Variants in BAIAP2 observed in about 807,000 individuals in gnomAD.
BAIAP2 encodes BAR/IMD domain containing adaptor protein 2, also known as BAR/IMD domain-containing adapter protein 2.
Under a neutral mutation model 63.0 loss-of-function variants are expected in BAIAP2, and 18 were observed. That is an observed-to-expected ratio of 0.29 (90% CI 0.20 to 0.42). The LOEUF is 0.42. Ranked by LOEUF, BAIAP2 falls within the 10% of genes least tolerant of loss-of-function variation. The pLI, the probability that BAIAP2 is intolerant of heterozygous loss-of-function variation, is 1.00. For synonymous variants in BAIAP2, 386 were observed against 307.6 expected (o/e 1.25, Z -2.67); for missense variants, 610 against 734.3 (o/e 0.83, Z 1.96).
At chr17:81,106,510 G>A (rs879162874) in intron 11 of BAIAP2, among the ~76,000 whole-genome samples, 8 of 152,336 alleles carry the variant, frequency 5.3e-5, no homozygotes, top group African/African-American at 1.9e-4. Context: ...GTCAGGGGTT[G>A]CTGTGGCAGC....
At chr17:81,068,091 G>A (rs533153325) in intron 3 of BAIAP2, among the ~76,000 whole-genome samples, 18 of 152,378 alleles carry the variant, frequency 1.2e-4, no homozygotes, top group South Asian at 6.2e-4. Context: ...TGGGTCCCAT[G>A]CACTTTGGGT....
chr17:81,109,334 G>A (rs941544737), intron 13 of BAIAP2: 173 of 1,117,200 alleles, frequency 1.5e-4, no homozygotes, highest in Non-Finnish European at 1.2e-4. Context: ...AAGGCTCGCC[G>A]TGAGCCAGGT....
At chr17:81,082,439 C>G (rs974914754) in intron 3 of BAIAP2, among the ~76,000 whole-genome samples, 4 of 152,306 alleles carry the variant, frequency 2.6e-5, no homozygotes, top group African/African-American at 9.6e-5. Flanking sequence ...AACTGTGTGC[C>G]AGGCAGCCCT....
At chr17:81,060,514 G>A (rs993473976) in intron 3 of BAIAP2, among the ~76,000 whole-genome samples, 9 of 152,102 alleles carry the variant, frequency 5.9e-5, no homozygotes, top group South Asian at 2.1e-4. Context: ...GCTATAGCCC[G>A]TGTCAGGGCT....
chr17:81,089,020 A>AGGGCCCTGACCGCACACC (rs2056236637), intron 6 of BAIAP2, among the ~76,000 whole-genome samples: 1 of 152,170 alleles, frequency 6.6e-6, no homozygotes, highest in Non-Finnish European at 1.5e-5. Flanking sequence ...CCTCTTCAGG[A>AGGGCCCTGACCGCACACC]GGGCCCTGAC....
intron 12 of BAIAP2, 61 bp downstream of exon 12, chr17:81,106,968 A>C (rs1256988918): frequency 6.9e-7 from 1 of 1,453,590 alleles, no homozygotes; most frequent in Non-Finnish European, 9.1e-7. Flanking sequence ...CTCAGCCTGC[A>C]GTCCCCCGTT....
intron 1 of BAIAP2, among the ~76,000 whole-genome samples, chr17:81,047,530 G>A (rs965768550): frequency 3.0e-4 from 45 of 152,282 alleles, no homozygotes; most frequent in African/African-American, 9.9e-4. Context: ...GAGTGCACAT[G>A]CACAGGTAAA....
chr17:81,097,969 T>C, intron 6 of BAIAP2: 1 of 527,184 alleles, frequency 1.9e-6, no homozygotes, highest in Middle Eastern at 5.5e-4. Context: ...GCCCTCCCAC[T>C]GTCGGGCTGG....
intron 1 of BAIAP2, among the ~76,000 whole-genome samples, chr17:81,038,016 T>TA (rs755282817): frequency 3.3e-5 from 5 of 152,248 alleles, no homozygotes; most frequent in African/African-American, 4.8e-5. Context: ...TTCCCGGTGT[T>TA]TGCCGAGAAC....
At chr17:81,075,151 T>G (rs887516754) in intron 3 of BAIAP2, among the ~76,000 whole-genome samples, 29 of 152,238 alleles carry the variant, frequency 1.9e-4, no homozygotes, top group Admixed American at 4.6e-4. Context: ...CACATTTGCA[T>G]TCCGGCTGTG....
At chr17:81,041,560 G>GT (rs1231406244) in intron 1 of BAIAP2, among the ~76,000 whole-genome samples, 18 of 152,134 alleles carry the variant, frequency 1.2e-4, no homozygotes, top group Middle Eastern at 3.4e-3. Flanking sequence ...TTTGTTTTTT[G>GT]TTTTTTCTGT....
chr17:81,101,597 C>T (rs1202595973), intron 7 of BAIAP2, among the ~76,000 whole-genome samples: 2 of 151,902 alleles, frequency 1.3e-5, no homozygotes, highest in African/African-American at 2.4e-5. Flanking sequence ...ACACTTGTTC[C>T]CCCCACCCAC....
At position 81,106,789 on chromosome 17, in the gene BAIAP2, A is replaced by T; in HGVS notation, c.1382A>T (p.Lys461Met). The change falls in exon 12 of 14, where the codon AAG (lysine) becomes ATG (methionine). Residue 461 changes from lysine (K) to methionine (M), a missense_variant. By Grantham distance (95) the Lys-to-Met change is moderately conservative. Coordinates refer to ENST00000428708, the MANE Select transcript of BAIAP2 (RefSeq NM_001144888.2). Reference protein sequence around the residue: ...KSSSTGNLLDKDDLAIPPPDY... With the variant: ...KSSSTGNLLDMDDLAIPPPDY... ...AGCAGCACGGGCAACCTCCTGGACA[A>T]GGACGACCTGGCCATCCCACCCCCC... 6.2e-7 allele frequency: 1 copy of T among 1,612,532 alleles called. No homozygotes were observed. Among genetic ancestry groups the T allele is most frequent in the East Asian group, 2.2e-5 (1 of 44,864 alleles).
At position 81,057,893 on chromosome 17, in the gene BAIAP2, C is replaced by G; in HGVS notation, c.143C>G (p.Ala48Gly). The G allele has an allele frequency of 6.2e-7, 1 of 1,607,714 alleles. No homozygotes were observed. Among genetic ancestry groups the G allele is most frequent in the Non-Finnish European group, 8.5e-7 (1 of 1,177,610 alleles). Residue 48 changes from alanine to glycine, a missense_variant, in exon 3 of 14, where the codon GCA becomes GGA. Ala to Gly is a moderately conservative substitution (Grantham distance 60). Around this residue, in one of 5 missense-constraint regions of BAIAP2, gnomAD observed 389 missense variants for 455.6 expected, o/e 0.85. Transcript: ENST00000428708. ...TCTTCTCTCTCAGGTGTGACGTATG[C>G]AGCCAAAGGCTACTTTGACGCCCTG... ...YEKALAGVTY[A>G]AKGYFDALVK... is the part of the protein sequence containing the mutation.
intron 6 of BAIAP2, among the ~76,000 whole-genome samples, chr17:81,088,145 C>CT (rs2145394858): frequency 6.6e-6 from 1 of 152,252 alleles, no homozygotes; most frequent in Admixed American, 6.5e-5. Flanking sequence ...CCCCTGCGGC[C>CT]TGGAGGGCCA....
chr17:81,071,177 G>C (rs762728611), intron 3 of BAIAP2, among the ~76,000 whole-genome samples: 24 of 151,678 alleles, frequency 1.6e-4, no homozygotes, highest in Non-Finnish European at 2.9e-4. Flanking sequence ...GAAGAACTCT[G>C]CTTCTCCCAA....
At chr17:81,062,380 A>G (rs547861554) in intron 3 of BAIAP2, among the ~76,000 whole-genome samples, 1 of 150,000 alleles carries the variant, frequency 6.7e-6, no homozygotes, top group Non-Finnish European at 1.5e-5. Context: ...ACTCTGTGGT[A>G]TTTATTATGA....
In BAIAP2 at chr17:81,116,457, G is replaced by A. The variant is rs889521373; in HGVS notation, c.*618G>A. 14 of 1,030,434 alleles carry A rather than the reference G, an allele frequency of 1.4e-5. No homozygotes were observed. The highest frequency in any genetic ancestry group is 3.3e-5 in the African/African-American group (2 of 60,898). The allele number at this position is 1,030,434 out of a possible 1,614,324, so 63.8% of individuals were successfully genotyped here. ...GGCCTCCCCAGGCCCCTCCTGCCTC[G>A]GGCAGGCCCCAGCCCTCCTCCTTAC... is the stretch of plus-strand genomic sequence containing the variant. On this transcript the variant is annotated 3_prime_UTR_variant, in exon 14 of 14. Coordinates refer to ENST00000428708, the MANE Select transcript of BAIAP2 (RefSeq NM_001144888.2).
At chr17:81,054,338 G>C (rs900965653) in intron 2 of BAIAP2, among the ~76,000 whole-genome samples, 2 of 149,164 alleles carry the variant, frequency 1.3e-5, no homozygotes, top group East Asian at 4.0e-4. Flanking sequence ...CCCGGGCCCC[G>C]TGGGGTGGGA....
Sources: gnomAD v4.1 joint callset for allele counts (sites outside exome capture counted in the v4.1 genomes callset) on GRCh38, gnomAD v4.1.1 for gene constraint, gnomAD v4.1.1 regional missense constraint, MANE v1.5 for transcripts, NCBI Gene and HGNC (gene_info 2026-07-23, HGNC 2026-07-21) for gene names.